CEP70: variants seen among roughly 807,000 people sequenced by gnomAD.
CEP70 encodes the protein centrosomal protein 70.
A neutral mutation model predicts 90.9 loss-of-function variants in CEP70; 70 were observed. That is an observed-to-expected ratio of 0.77 (90% CI 0.64 to 0.94). CEP70 has a LOEUF of 0.94. Among genes scored for constraint, CEP70 ranks in the 40% least tolerant of loss-of-function variants. The pLI is 0.00. For synonymous variants in CEP70, 220 were observed against 228.3 expected, an observed-to-expected ratio of 0.96 and a Z score of 0.33; for missense variants, 648 against 669.0, an observed-to-expected ratio of 0.97 and a Z score of 0.35.
chr3:138,535,631 G>A (rs1200223740), intron 7 of CEP70, among the ~76,000 whole-genome samples: 2 of 152,056 alleles, frequency 1.3e-5, no homozygotes, highest in Non-Finnish European at 2.9e-5. Context: ...AGTTTGCATT[G>A]ACAAAAATCA....
intron 2 of CEP70, among the ~76,000 whole-genome samples, chr3:138,590,122 CA>C (rs369617500): frequency 2.1e-4 from 29 of 139,710 alleles, no homozygotes; most frequent in Admixed American, 2.1e-4. Flanking sequence ...GAACATAAGC[CA>C]AAAAAAAAAG....
rs117112562 is a variant in CEP70 at position 138,553,052 on chromosome 3, A to G, written c.466-15705T>C. ...ATTCAAGGCTACTATCAAAACTTTT[A>G]CGCACATAAACTAGAAAACCTAGAG... On this transcript the variant is annotated intron_variant, in intron 6 of 17. Coordinates refer to ENST00000264982, the MANE Select transcript of CEP70 (RefSeq NM_024491.4). 3.9e-4 allele frequency among the ~76,000 whole-genome samples: 60 copies of G among 152,272 alleles called. No individual in the cohort carries two copies. In the East Asian group the frequency reaches 8.7e-3, roughly 22 times the overall value.
At chr3:138,560,905 G>C (rs1290192459) in intron 6 of CEP70, among the ~76,000 whole-genome samples, 1 of 152,142 alleles carries the variant, frequency 6.6e-6, no homozygotes, top group African/African-American at 2.4e-5. Flanking sequence ...ATCTCCCTGG[G>C]ACAGAGCACC....
At chr3:138,514,648 T>G (rs2035841295) in intron 11 of CEP70, among the ~76,000 whole-genome samples, 1 of 151,994 alleles carries the variant, frequency 6.6e-6, no homozygotes, top group Non-Finnish European at 1.5e-5. Context: ...TTAAATTTTT[T>G]AAGTTTAAGT....
intron 6 of CEP70, among the ~76,000 whole-genome samples, chr3:138,554,271 C>A (rs1371039042): frequency 1.3e-5 from 2 of 151,556 alleles, no homozygotes; most frequent in African/African-American, 2.4e-5. Flanking sequence ...AAGGGACATA[C>A]CTCAAAGTAA....
Position 138,571,084 on chromosome 3 carries a change from T to C in CEP70, c.234A>G (p.Ser78=), listed in dbSNP as rs759470110. The C allele has an allele frequency of 1.2e-6, 2 of 1,607,644 alleles. No homozygotes were observed. The highest frequency in any genetic ancestry group is 1.1e-5 in the South Asian group (1 of 90,152). The part of the protein sequence containing the change: ...QNLKLLVEET[S]CQQNMIQELI... The stretch of plus-strand genomic sequence containing the variant: ...GCTCCTGTATCATGTTCTGTTGACA[T>C]GATGTTTCTTCCACCAACAATTTCA... Residue 78 remains serine, a synonymous_variant, in exon 5 of 18, where the codon TCA becomes TCG. Coordinates refer to ENST00000264982, the MANE Select transcript of CEP70 (RefSeq NM_024491.4).
chr3:138,557,568 T>C (rs578190751), intron 6 of CEP70, among the ~76,000 whole-genome samples: 4 of 152,206 alleles, frequency 2.6e-5, no homozygotes, highest in Non-Finnish European at 5.9e-5. Context: ...ACAATCCACA[T>C]TCATCTGTCA....
chr3:138,506,663 A>G (rs1285699677), intron 12 of CEP70, among the ~76,000 whole-genome samples: 9 of 152,220 alleles, frequency 5.9e-5, no homozygotes, highest in Non-Finnish European at 4.4e-5. Context: ...GATGTTTATT[A>G]CTTCAGATGT....
At chr3:138,498,307 T>A (rs1368929661) in intron 16 of CEP70, among the ~76,000 whole-genome samples, 197 bp from the exon 17 acceptor site, 3 of 152,032 alleles carry the variant, frequency 2.0e-5, no homozygotes, top group Non-Finnish European at 4.4e-5. Flanking sequence ...TCAATATCAA[T>A]GTAAAATTTG....
chr3:138,551,688 G>A (rs1187037148), intron 6 of CEP70, among the ~76,000 whole-genome samples: 2 of 150,366 alleles, frequency 1.3e-5, no homozygotes, highest in East Asian at 2.0e-4. Flanking sequence ...AGAGGTTGCA[G>A]TGAGCCGATA....
chr3:138,510,178 A>C (rs1303306084), intron 11 of CEP70, among the ~76,000 whole-genome samples: 1 of 151,866 alleles, frequency 6.6e-6, no homozygotes, highest in East Asian at 1.9e-4. Flanking sequence ...TGCTTAGTTA[A>C]GATGACCTCA....
At position 138,539,170 on chromosome 3, in the gene CEP70, G is replaced by A. The variant is rs554741545; in HGVS notation, c.466-1823C>T. On this transcript the variant is annotated intron_variant, in intron 6 of 17. Coordinates refer to ENST00000264982, the MANE Select transcript of CEP70 (RefSeq NM_024491.4). The stretch of plus-strand genomic sequence containing the variant: ...ATTACCATCACACCTGGATAGTTGC[G>A]TACCATCACACCTGGATAGTTTTTG... Among the ~76,000 whole-genome samples the A allele has an allele frequency of 8.5e-5, 13 of 152,088 alleles. No individual in the cohort carries two copies. The South Asian group carries it at 1.2e-3, about 15-fold the overall frequency.
chr3:138,585,378 T>G (rs1193623993), intron 2 of CEP70, among the ~76,000 whole-genome samples: 1 of 152,032 alleles, frequency 6.6e-6, no homozygotes, highest in Non-Finnish European at 1.5e-5. Flanking sequence ...AAAATACTGA[T>G]GACAGAAATT....
chr3:138,564,627 G>A lies in CEP70; in HGVS notation c.465+5691C>T, dbSNP rs141024634. 3.9e-3 allele frequency among the ~76,000 whole-genome samples: 586 copies of A among 152,190 alleles called. 3 individuals are homozygous for A. The highest frequency in any genetic ancestry group is 0.014 in the African/African-American group (572 of 41,514). ...GATTATCTCAATAGATGCAGAAAAG[G>A]ACTTCGACAAAATTCAACAGCCCTT... On this transcript the variant is annotated intron_variant, in intron 6 of 17. Coordinates refer to ENST00000264982, the MANE Select transcript of CEP70 (RefSeq NM_024491.4).
At chr3:138,563,976 G>A (rs1190726615) in intron 6 of CEP70, among the ~76,000 whole-genome samples, 1 of 152,084 alleles carries the variant, frequency 6.6e-6, no homozygotes, top group Non-Finnish European at 1.5e-5. Context: ...AGAAAAGAGA[G>A]AAGAATCAAA....
chr3:138,548,493 C>G (rs914313210), intron 6 of CEP70, among the ~76,000 whole-genome samples: 1 of 152,204 alleles, frequency 6.6e-6, no homozygotes. Flanking sequence ...CTGGTTATAT[C>G]CAGGAGATTG....
chr3:138,583,168 A>G (rs2041951278), intron 2 of CEP70, among the ~76,000 whole-genome samples: 1 of 152,230 alleles, frequency 6.6e-6, no homozygotes, highest in African/African-American at 2.4e-5. Flanking sequence ...AGCTATACTT[A>G]TATCAGACAA....
intron 12 of CEP70, 61 bp downstream of exon 12, chr3:138,508,378 A>G (rs1009228755): frequency 9.5e-7 from 1 of 1,054,094 alleles, no homozygotes; most frequent in Admixed American, 1.7e-5. Flanking sequence ...TTACACCACA[A>G]CTGATAACCA....
At chr3:138,552,853 A>C (rs1332053393) in intron 6 of CEP70, among the ~76,000 whole-genome samples, 1 of 152,196 alleles carries the variant, frequency 6.6e-6, no homozygotes, top group Non-Finnish European at 1.5e-5. Context: ...AAACTGAAAC[A>C]ATCAAACAAA....
Sources: allele counts gnomAD v4.1 joint callset (sites outside exome capture counted in the v4.1 genomes callset), GRCh38; gene constraint gnomAD v4.1.1; transcripts MANE v1.5; gene names NCBI Gene and HGNC (gene_info 2026-07-23, HGNC 2026-07-21).